The following TSHR variants were observed in gnomAD, a reference collection of about 807,000 sequenced individuals.
The protein encoded by TSHR is thyroid stimulating hormone receptor, also known as thyrotropin receptor.
Under a neutral mutation model 64.1 loss-of-function variants are expected in TSHR, and 51 were observed. That is an observed-to-expected ratio of 0.80 (90% CI 0.64 to 1.01). The LOEUF is 1.01. Among genes scored for constraint, TSHR ranks in the 50% least tolerant of loss-of-function variants. TSHR has a pLI of 0.00. For synonymous variants in TSHR, 361 were observed against 361.9 expected (o/e 1.00, Z 0.03); for missense variants, 877 against 942.8 (o/e 0.93, Z 0.91).
At chr14:81,104,262 C>T (rs998957047) in intron 7 of TSHR, 12 of 985,278 alleles carry the variant, frequency 1.2e-5, no homozygotes, top group Non-Finnish European at 2.4e-6. Context: ...CAGGGGGTCC[C>T]TTTAATTTTC....
At chr14:81,078,081 A>T (rs1032591769) in intron 3 of TSHR, among the ~76,000 whole-genome samples, 2 of 152,172 alleles carry the variant, frequency 1.3e-5, no homozygotes, top group Non-Finnish European at 2.9e-5. Context: ...TAACTTTTAC[A>T]TAATTTGAGT....
At chr14:81,010,326 C>CTTTG (rs201786903) in intron 1 of TSHR, among the ~76,000 whole-genome samples, 1,803 of 152,006 alleles carry the variant, frequency 0.012, 20 homozygotes, top group African/African-American at 0.016. Context: ...AGTCATTTAA[C>CTTTG]TTTATGTAAT....
chr14:81,108,148 C>T (rs945470192), intron 7 of TSHR, among the ~76,000 whole-genome samples: 23 of 152,014 alleles, frequency 1.5e-4, no homozygotes, highest in Non-Finnish European at 2.9e-5. Flanking sequence ...AGATCATAAA[C>T]ATGCTCATTT....
At chr14:81,104,285 G>A (rs983470571) in intron 7 of TSHR, 17 of 985,242 alleles carry the variant, frequency 1.7e-5, no homozygotes, top group Admixed American at 6.2e-5. Context: ...AATTAGCAAC[G>A]CTGTGGGAGG....
chr14:81,001,398 C>A, intron 1 of TSHR: 1 of 404,524 alleles, frequency 2.5e-6, no homozygotes, highest in Non-Finnish European at 4.9e-6. Context: ...TGGGTTAATC[C>A]GACCATGAGC....
At chr14:80,997,769 G>A (rs1889101500) in intron 1 of TSHR, among the ~76,000 whole-genome samples, 1 of 152,182 alleles carries the variant, frequency 6.6e-6, no homozygotes, top group Non-Finnish European at 1.5e-5. Flanking sequence ...GTTGAAACTA[G>A]GTTATGTCTG....
intron 1 of TSHR, among the ~76,000 whole-genome samples, chr14:81,036,346 T>C (rs1884624435): frequency 6.6e-6 from 1 of 151,582 alleles, no homozygotes; most frequent in African/African-American, 2.4e-5. Flanking sequence ...GAGAAGAGAA[T>C]CAAGTTACAT....
chr14:81,105,635 C>T (rs1889843407), intron 7 of TSHR, among the ~76,000 whole-genome samples: 1 of 152,158 alleles, frequency 6.6e-6, no homozygotes, highest in Non-Finnish European at 1.5e-5. Flanking sequence ...TGCTTATCAA[C>T]CAGGCTCCTT....
intron 1 of TSHR, among the ~76,000 whole-genome samples, chr14:80,998,991 A>G (rs1362103921): frequency 6.6e-6 from 1 of 152,198 alleles, no homozygotes; most frequent in Admixed American, 6.5e-5. Flanking sequence ...TGTAAAACCA[A>G]CTGGGGTCTT....
chr14:81,045,456 TG>T (rs1377925823), intron 1 of TSHR, among the ~76,000 whole-genome samples: 2 of 151,970 alleles, frequency 1.3e-5, no homozygotes, highest in African/African-American at 4.8e-5. Flanking sequence ...CATAGGTAAA[TG>T]GGTGCCATGG....
intron 8 of TSHR, among the ~76,000 whole-genome samples, chr14:81,114,863 TCCCTGAC>T (rs1890419190): frequency 1.3e-5 from 2 of 151,940 alleles, no homozygotes; most frequent in South Asian, 4.2e-4. Context: ...CTCAAGTGGG[TCCCTGAC>T]CCCTGACCCC....
chr14:81,104,764 A>G (rs1054883564), intron 7 of TSHR: 7 of 985,276 alleles, frequency 7.1e-6, no homozygotes, highest in African/African-American at 3.5e-5. Flanking sequence ...ACTATTCACA[A>G]TCTTAAATCA....
intron 3 of TSHR, among the ~76,000 whole-genome samples, chr14:81,069,780 A>G (rs1322684726): frequency 6.6e-6 from 1 of 152,214 alleles, no homozygotes; most frequent in Non-Finnish European, 1.5e-5. Context: ...TCAATAAAAA[A>G]TAACTCGAGT....
chr14:81,144,444 T>G lies in TSHR; in HGVS notation c.*91T>G, dbSNP rs1383412062. On this transcript the variant is annotated 3_prime_UTR_variant, in exon 10 of 10. Transcript: ENST00000298171. The stretch of plus-strand genomic sequence containing the variant: ...CCAATCCCATGACACCCCCAACACA[T>G]AGCTGCCCTCACTCTTGTGCAGGCG... The G allele has an allele frequency of 7.8e-7, 1 of 1,280,556 alleles. No individual in the cohort carries two copies. Among genetic ancestry groups the G allele is most frequent in the Non-Finnish European group, 1.1e-6 (1 of 893,600 alleles). 79.3% of individuals were successfully genotyped at this position (1,280,556 alleles called of 1,614,324 possible). A position where few individuals can be genotyped will look rare whatever the true frequency, so the allele number is the denominator to read the frequency against.
At chr14:81,048,761 G>C (rs1433061620) in intron 1 of TSHR, among the ~76,000 whole-genome samples, 18 of 152,202 alleles carry the variant, frequency 1.2e-4, no homozygotes, top group Non-Finnish European at 8.8e-5. Flanking sequence ...GATGGTAGGA[G>C]GTGCTTCTGA....
intron 1 of TSHR, among the ~76,000 whole-genome samples, chr14:81,048,626 A>G (rs1885285487): frequency 6.6e-6 from 1 of 152,240 alleles, no homozygotes; most frequent in South Asian, 2.1e-4. Context: ...AAAATGAATG[A>G]ATGAATAAAT....
intron 1 of TSHR, among the ~76,000 whole-genome samples, chr14:81,017,330 G>C (rs946959696): frequency 6.6e-6 from 1 of 152,144 alleles, no homozygotes; most frequent in African/African-American, 2.4e-5. Context: ...TGGTAAGTTT[G>C]CATGGTGGAA....
chr14:81,100,729 T>G (rs1326849994), intron 7 of TSHR, among the ~76,000 whole-genome samples: 1 of 152,232 alleles, frequency 6.6e-6, no homozygotes, highest in Non-Finnish European at 1.5e-5. Context: ...AAGGAGCAGC[T>G]GTGTGGCAAA....
chr14:81,079,349 A>T (rs1181350623), intron 3 of TSHR, among the ~76,000 whole-genome samples: 1 of 152,148 alleles, frequency 6.6e-6, no homozygotes, highest in African/African-American at 2.4e-5. Context: ...ACTCCACTAA[A>T]AGTACTTCAC....
Sources: allele counts gnomAD v4.1 joint callset (sites outside exome capture counted in the v4.1 genomes callset), GRCh38; gene constraint gnomAD v4.1.1; transcripts MANE v1.5; gene names NCBI Gene and HGNC (gene_info 2026-07-23, HGNC 2026-07-21).